Variants in SLC10A7 observed in about 807,000 individuals in gnomAD.
SLC10A7 encodes the protein sodium/bile acid cotransporter 7.
Under a neutral mutation model 43.2 loss-of-function variants are expected in SLC10A7, and 29 were observed. The ratio of observed to expected loss-of-function variants is 0.67; its 90% confidence interval spans 0.50 to 0.92. The LOEUF is 0.92. Ranked by LOEUF, SLC10A7 falls within the 40% of genes least tolerant of loss-of-function variation. SLC10A7 has a pLI of 0.00. For missense variants in SLC10A7, 295 were observed against 403.2 expected, an observed-to-expected ratio of 0.73 and a Z score of 2.30; for synonymous variants, 152 against 144.8, an observed-to-expected ratio of 1.05 and a Z score of -0.35.
intron 5 of SLC10A7, among the ~76,000 whole-genome samples, chr4:146,386,853 T>C (rs1248028682): frequency 6.6e-6 from 1 of 152,170 alleles, no homozygotes; most frequent in Non-Finnish European, 1.5e-5. Context: ...CCCTTAATAG[T>C]CCATGGGCAC....
chr4:146,445,799 C>T (rs755454836), intron 4 of SLC10A7, among the ~76,000 whole-genome samples: 1 of 152,054 alleles, frequency 6.6e-6, no homozygotes, highest in Non-Finnish European at 1.5e-5. Context: ...GTCTGGCCAT[C>T]CCTAATCGAA....
At chr4:146,429,804 G>A (rs772397554) in intron 5 of SLC10A7, among the ~76,000 whole-genome samples, 2 of 152,092 alleles carry the variant, frequency 1.3e-5, no homozygotes, top group Non-Finnish European at 2.9e-5. Context: ...GATGGGAACA[G>A]TGCAAGCAAA....
At chr4:146,517,154 G>T (rs763474612) in intron 1 of SLC10A7, 34 bp from the exon 2 acceptor site, 33 of 1,516,526 alleles carry the variant, frequency 2.2e-5, no homozygotes, top group Non-Finnish European at 2.9e-5. Context: ...TGCTAGAAAA[G>T]AATTTCAGTA....
chr4:146,365,881 C>T (rs116227572), intron 5 of SLC10A7, among the ~76,000 whole-genome samples: 3,338 of 152,290 alleles, frequency 0.022, 112 homozygotes, highest in African/African-American at 0.076. Context: ...GGAACCCGGC[C>T]GCACTGCAGG....
At chr4:146,519,540 A>G (rs970330719) in intron 1 of SLC10A7, among the ~76,000 whole-genome samples, 3 of 152,020 alleles carry the variant, frequency 2.0e-5, no homozygotes, top group African/African-American at 7.2e-5. Flanking sequence ...ATTTGGGGGC[A>G]GTGAAGGCTG....
intron 5 of SLC10A7, among the ~76,000 whole-genome samples, chr4:146,396,559 C>T (rs1738838654): frequency 6.6e-6 from 1 of 151,836 alleles, no homozygotes; most frequent in Non-Finnish European, 1.5e-5. Context: ...TTGTGTGGAA[C>T]AAGTCAAAAT....
chr4:146,446,073 G>C (rs924988665), intron 4 of SLC10A7, among the ~76,000 whole-genome samples: 9 of 152,044 alleles, frequency 5.9e-5, no homozygotes, highest in African/African-American at 9.7e-5. Context: ...TGAGGGTGGA[G>C]CTCTCGCCAG....
At chr4:146,313,410 C>A (rs1025503191) in intron 6 of SLC10A7, among the ~76,000 whole-genome samples, 2 of 152,138 alleles carry the variant, frequency 1.3e-5, no homozygotes, top group African/African-American at 4.8e-5. Flanking sequence ...CTAGGTGCTT[C>A]CCTTCCCTTA....
chr4:146,330,860 C>G (rs1309889784), intron 5 of SLC10A7, among the ~76,000 whole-genome samples: 1 of 152,048 alleles, frequency 6.6e-6, no homozygotes, highest in Non-Finnish European at 1.5e-5. Flanking sequence ...CTGAAGCTTT[C>G]TCATGAAGAG....
chr4:146,486,411 T>C (rs573255106), intron 4 of SLC10A7, among the ~76,000 whole-genome samples: 1 of 152,348 alleles, frequency 6.6e-6, no homozygotes, highest in Non-Finnish European at 1.5e-5. Flanking sequence ...AAGCAACACA[T>C]ATTTATTGCC....
chr4:146,348,138 G>A (rs142232124), intron 5 of SLC10A7, among the ~76,000 whole-genome samples: 94 of 152,282 alleles, frequency 6.2e-4, no homozygotes, highest in African/African-American at 2.2e-3. Flanking sequence ...AATGGATCCA[G>A]TGTTTACAAC....
chr4:146,414,304 G>A (rs1728413673), intron 5 of SLC10A7, among the ~76,000 whole-genome samples: 2 of 152,138 alleles, frequency 1.3e-5, no homozygotes, highest in South Asian at 4.2e-4. Flanking sequence ...GTGCCCCCAC[G>A]AAAAGACACC....
intron 5 of SLC10A7, among the ~76,000 whole-genome samples, chr4:146,354,581 G>A (rs1382814798): frequency 6.7e-6 from 1 of 148,286 alleles, no homozygotes; most frequent in Non-Finnish European, 1.5e-5. Flanking sequence ...GCATCGCCAA[G>A]TCAATCCTAA....
At chr4:146,322,690 A>G (rs1180942798) in intron 6 of SLC10A7, among the ~76,000 whole-genome samples, 2 of 152,140 alleles carry the variant, frequency 1.3e-5, no homozygotes, top group Non-Finnish European at 2.9e-5. Context: ...ATACGTGTGC[A>G]TGTGTCTTTA....
intron 6 of SLC10A7, 133 bp downstream of exon 6, chr4:146,325,828 C>T: frequency 1.3e-6 from 1 of 790,424 alleles, no homozygotes; most frequent in East Asian, 2.7e-5. Flanking sequence ...TTATGCGGTA[C>T]AGCTAAACTG....
At chr4:146,491,666 G>C (rs184161860) in intron 4 of SLC10A7, among the ~76,000 whole-genome samples, 187 of 145,380 alleles carry the variant, frequency 1.3e-3, no homozygotes, top group African/African-American at 4.6e-3. Flanking sequence ...GAGGGAGAGA[G>C]GGAGGGAGGA....
chr4:146,267,726 G>A (rs939804749), intron 10 of SLC10A7, among the ~76,000 whole-genome samples: 2 of 152,214 alleles, frequency 1.3e-5, no homozygotes, highest in East Asian at 3.9e-4. Flanking sequence ...TTCATACAAA[G>A]AATCATATCC....
At chr4:146,379,639 C>T (rs1737459150) in intron 5 of SLC10A7, among the ~76,000 whole-genome samples, 1 of 152,126 alleles carries the variant, frequency 6.6e-6, no homozygotes, top group African/African-American at 2.4e-5. Flanking sequence ...TGATAACTGT[C>T]CACTTGGAAG....
At position 146,254,242 on chromosome 4, in the gene SLC10A7, A is replaced by G. The variant is rs1254797466; in HGVS notation, c.*2249T>C. ...TAAAAAATCTAATTTTGTAACAACC[A>G]TTAAAAAAAATCCAGGTGGAAAAAT... On this transcript the variant is annotated 3_prime_UTR_variant, in exon 12 of 12. Coordinates refer to ENST00000335472, the MANE Select transcript of SLC10A7 (RefSeq NM_001029998.6). 1 of 152,162 alleles carries G rather than the reference A, an allele frequency of 6.6e-6. No individual in the cohort carries two copies. The highest frequency in any genetic ancestry group is 2.4e-5 in the African/African-American group (1 of 41,440). The allele number at this position is 152,162 out of a possible 1,614,324, so 9.4% of individuals were successfully genotyped here.
Sources: allele counts gnomAD v4.1 joint callset (sites outside exome capture counted in the v4.1 genomes callset), GRCh38; gene constraint gnomAD v4.1.1; transcripts MANE v1.5; gene names NCBI Gene and HGNC (gene_info 2026-07-23, HGNC 2026-07-21).